CLPB: variants seen among roughly 807,000 people sequenced by gnomAD.
CLPB encodes ClpB family mitochondrial disaggregase.
In CLPB, 40 loss-of-function variants were observed where a neutral mutation model predicts 78.4. That is an observed-to-expected ratio of 0.51 (90% CI 0.40 to 0.66). The LOEUF (loss-of-function observed/expected upper bound fraction) is 0.66, where lower values mean the gene tolerates loss of function less well. Among genes scored for constraint, CLPB ranks in the 30% least tolerant of loss-of-function variants. The probability of loss-of-function intolerance (pLI) is 0.00; values close to 1 mark genes in which losing one functional copy is unlikely to be tolerated. For synonymous variants in CLPB, 333 were observed against 348.0 expected (o/e 0.96, Z 0.48); for missense variants, 780 against 886.9 (o/e 0.88, Z 1.53).
At chr11:72,351,887 T>A (rs898622645) in intron 5 of CLPB, among the ~76,000 whole-genome samples, 39 of 152,214 alleles carry the variant, frequency 2.6e-4, no homozygotes, top group Admixed American at 4.6e-4. Context: ...CATTTTTTTT[T>A]AAAACCTGTT....
chr11:72,433,631 C>T (rs1425346416), intron 1 of CLPB, among the ~76,000 whole-genome samples: 3 of 151,904 alleles, frequency 2.0e-5, no homozygotes, highest in Admixed American at 2.0e-4. Flanking sequence ...CAGGTTGTTC[C>T]TGACTCTGGC....
intron 5 of CLPB, among the ~76,000 whole-genome samples, chr11:72,346,823 CA>C: frequency 6.6e-6 from 1 of 151,398 alleles, no homozygotes; most frequent in Admixed American, 6.6e-5. Flanking sequence ...GATAAAAATA[CA>C]AAAAAATTTA....
intron 2 of CLPB, among the ~76,000 whole-genome samples, chr11:72,429,681 A>G (rs1258333242): frequency 2.0e-5 from 3 of 152,248 alleles, no homozygotes; most frequent in Admixed American, 2.0e-4. Flanking sequence ...CTGAGCATCC[A>G]TCCTGGACAC....
At position 72,386,423 on chromosome 11, in the gene CLPB, G is replaced by A. The variant is rs560469204; in HGVS notation, c.543-6039C>T. The stretch of plus-strand genomic sequence containing the variant: ...AATTACTTATCGTAACTATTAAAAA[G>A]CCAAACTATGGCTTGTTTTCTCTTC... On this transcript the variant is annotated intron_variant, in intron 3 of 15. Coordinates refer to ENST00000538039, the MANE Select transcript of CLPB (RefSeq NM_001258392.3). Among the ~76,000 whole-genome samples, 4 of 152,264 alleles carry A rather than the reference G, an allele frequency of 2.6e-5. No individual in the cohort carries two copies. The South Asian group carries it at 6.2e-4, about 24-fold the overall frequency.
chr11:72,428,268 C>G (rs778684831), intron 2 of CLPB, among the ~76,000 whole-genome samples: 4 of 152,178 alleles, frequency 2.6e-5, no homozygotes, highest in African/African-American at 4.8e-5. Flanking sequence ...GAAACAGCCT[C>G]TTAACAGATC....
At chr11:72,388,250 C>CTTTT (rs60096746) in intron 3 of CLPB, among the ~76,000 whole-genome samples, 2 of 138,112 alleles carry the variant, frequency 1.4e-5, no homozygotes, top group Admixed American at 7.2e-5. Context: ...TTCCCTTCCC[C>CTTTT]TTTTTTTTTT....
In CLPB at chr11:72,317,480, C is replaced by T. The variant is rs138121331; in HGVS notation, c.874-260G>A. On this transcript the variant is annotated intron_variant, in intron 6 of 15. Coordinates refer to ENST00000538039, the MANE Select transcript of CLPB (RefSeq NM_001258392.3). ...CGTGGCTCTGGAGTCTGACAGAAGACCTGGGTCCAAGCCCAGCTTTATCAC... is the reference window on the plus strand; with the variant it reads ...CGTGGCTCTGGAGTCTGACAGAAGATCTGGGTCCAAGCCCAGCTTTATCAC... Among the ~76,000 whole-genome samples the T allele has an allele frequency of 1.1e-4, 16 of 152,310 alleles. No individual in the cohort carries two copies. In the East Asian group the frequency reaches 2.7e-3, roughly 26 times the overall value.
At chr11:72,356,071 C>A (rs560293718) in intron 5 of CLPB, among the ~76,000 whole-genome samples, 1 of 152,020 alleles carries the variant, frequency 6.6e-6, no homozygotes, top group Non-Finnish European at 1.5e-5. Context: ...CACCTGAGAT[C>A]GGGAGTTTGA....
intron 3 of CLPB, among the ~76,000 whole-genome samples, chr11:72,400,930 C>G (rs1271073061): frequency 1.3e-5 from 2 of 152,120 alleles, no homozygotes; most frequent in African/African-American, 4.8e-5. Context: ...ATTTGTTTTC[C>G]CCATTAGACT....
intron 5 of CLPB, among the ~76,000 whole-genome samples, chr11:72,330,316 C>T (rs1006903187): frequency 6.6e-6 from 1 of 152,182 alleles, no homozygotes; most frequent in Non-Finnish European, 1.5e-5. Context: ...AGCTGAGTCC[C>T]CTGGAAGGGC....
intron 11 of CLPB, among the ~76,000 whole-genome samples, chr11:72,297,692 T>TGTGTGTGTGC (rs1949579409): frequency 8.5e-6 from 1 of 117,906 alleles, no homozygotes; most frequent in Non-Finnish European, 1.6e-5. Flanking sequence ...TGTGTGTGTG[T>TGTGTGTGTGC]GTGTGTGTGT....
intron 2 of CLPB, among the ~76,000 whole-genome samples, chr11:72,413,725 T>C (rs1440539478): frequency 2.6e-5 from 4 of 152,196 alleles, no homozygotes; most frequent in Non-Finnish European, 5.9e-5. Context: ...CTTCAACCTT[T>C]CTTTGATTTT....
At chr11:72,362,913 T>C (rs1257123879) in intron 4 of CLPB, among the ~76,000 whole-genome samples, 1 of 152,084 alleles carries the variant, frequency 6.6e-6, no homozygotes, top group Non-Finnish European at 1.5e-5. Context: ...CCCAGCACTT[T>C]AGGAGGCCGA....
chr11:72,301,762 C>T (rs769507659), intron 11 of CLPB, 41 bp downstream of exon 11: 2 of 1,596,520 alleles, frequency 1.3e-6, no homozygotes, highest in Admixed American at 1.7e-5. Flanking sequence ...CCCCTTATCT[C>T]CAGGTGTCCC....
chr11:72,319,123 T>C (rs1950001306), intron 6 of CLPB, among the ~76,000 whole-genome samples: 4 of 152,192 alleles, frequency 2.6e-5, no homozygotes, highest in Admixed American at 2.6e-4. Flanking sequence ...TTGCTGACAC[T>C]ATTACCCTAC....
At chr11:72,371,281 G>A (rs1951036827) in intron 4 of CLPB, among the ~76,000 whole-genome samples, 3 of 151,936 alleles carry the variant, frequency 2.0e-5, no homozygotes, top group Non-Finnish European at 4.4e-5. Flanking sequence ...ACTAATCCTG[G>A]CACTTTGGGA....
In CLPB at chr11:72,380,386, TA is replaced by T; in HGVS notation, c.543-3del. 6.2e-7 allele frequency: 1 copy of T among 1,612,520 alleles called. No individual in the cohort carries two copies. The highest frequency in any genetic ancestry group is 8.5e-7 in the Non-Finnish European group (1 of 1,178,618). On this transcript the variant is annotated splice_polypyrimidine_tract_variant and splice_region_variant and intron_variant, in intron 3 of 15. Coordinates refer to ENST00000538039, the MANE Select transcript of CLPB (RefSeq NM_001258392.3). ...GCAGCAAGCAGGACCTGTACCACAC[TA>T]GAAGAAATCACAAAGACAGAAGTGT...
intron 4 of CLPB, among the ~76,000 whole-genome samples, chr11:72,363,105 G>A (rs1005432583): frequency 8.6e-5 from 13 of 151,280 alleles, no homozygotes; most frequent in Non-Finnish European, 1.5e-4. Context: ...GCAGTGAGCC[G>A]AGATCACGCC....
At chr11:72,307,376 G>A (rs990146311) in intron 8 of CLPB, 122 bp from the exon 9 acceptor site, 11 of 852,000 alleles carry the variant, frequency 1.3e-5, no homozygotes, top group Admixed American at 6.5e-5. Context: ...ATGTTGAGGC[G>A]CAGAAAGGAT....
Sources: allele counts gnomAD v4.1 joint callset (sites outside exome capture counted in the v4.1 genomes callset), GRCh38; gene constraint gnomAD v4.1.1; transcripts MANE v1.5; gene names NCBI Gene and HGNC (gene_info 2026-07-23, HGNC 2026-07-21).